NFASC: variants seen among roughly 807,000 people sequenced by gnomAD.
NFASC encodes the protein neurofascin, also known as neurofascin homolog.
In NFASC, 43 loss-of-function variants were observed where a neutral mutation model predicts 147.5. The ratio of observed to expected loss-of-function variants is 0.29; its 90% CI spans 0.23 to 0.38. The LOEUF (loss-of-function observed/expected upper bound fraction) is 0.38, where lower values mean the gene tolerates loss of function less well. NFASC is among the 10% of genes least tolerant of loss of function. The pLI is 1.00. For synonymous variants in NFASC, 622 were observed against 665.5 expected (o/e 0.93, Z 1.01); for missense variants, 1,320 against 1,689.0 (o/e 0.78, Z 3.83).
At chr1:204,844,325 A>G (rs6699817) in intron 1 of NFASC, among the ~76,000 whole-genome samples, 33,066 of 152,118 alleles carry the variant, frequency 0.22, 5,444 homozygotes, top group East Asian at 0.53. Flanking sequence ...GAAATGCCCT[A>G]TGAAAGTTAG....
intron 1 of NFASC, among the ~76,000 whole-genome samples, chr1:204,902,893 C>T (rs538075146): frequency 1.3e-5 from 2 of 152,280 alleles, no homozygotes; most frequent in East Asian, 3.9e-4. Context: ...AAAAGTGAGG[C>T]CAGACGGCAG....
In NFASC at chr1:205,012,885, CCT is replaced by C; in HGVS notation, c.3491+25_3491+26del. The C allele has an allele frequency of 6.3e-7, 1 of 1,591,410 alleles. No homozygotes were observed. Among genetic ancestry groups the C allele is most frequent in the Non-Finnish European group, 8.6e-7 (1 of 1,159,272 alleles). On this transcript the variant is annotated intron_variant, in intron 29 of 29. Transcript: ENST00000339876. Reference sequence around the variant, plus strand: ...ACTATAGGTGCGTGATCTCCCTCCTCCTCTCTCAGGCAGGCTGTCCTCCCTGT... The same window carrying C: ...ACTATAGGTGCGTGATCTCCCTCCTCCTCTCAGGCAGGCTGTCCTCCCTGT...
chr1:204,991,999 T>G (rs1388488164), intron 24 of NFASC, among the ~76,000 whole-genome samples: 4 of 152,206 alleles, frequency 2.6e-5, no homozygotes, highest in African/African-American at 9.6e-5. Flanking sequence ...GGGAGGTAGA[T>G]CTACAGTGGA....
In NFASC at chr1:204,850,108, C is replaced by T. The variant is rs376974333; in HGVS notation, c.-200+21326C>T. 1.0e-3 allele frequency among the ~76,000 whole-genome samples: 158 copies of T among 152,264 alleles called. 1 individual carries two copies. Among genetic ancestry groups the T allele is most frequent in the South Asian group, 4.6e-3 (22 of 4,814 alleles). ...AGGAGACTGGATACTAATCCTTGCTCTGCTCTGACTTAATGGGTGGCCCCA... is the reference window on the plus strand; with the variant it reads ...AGGAGACTGGATACTAATCCTTGCTTTGCTCTGACTTAATGGGTGGCCCCA... On this transcript the variant is annotated intron_variant, in intron 1 of 29. Transcript: ENST00000339876.
At position 204,951,956 on chromosome 1, in the gene NFASC, T is replaced by C. The variant is rs958565646; in HGVS notation, c.110-55T>C. Reference sequence around the variant, plus strand: ...TCTTCATCTCAGCTGTTCCCCAAGCTGGACCCCAGGGAGGTCCCTGCAGCC... The same window carrying C: ...TCTTCATCTCAGCTGTTCCCCAAGCCGGACCCCAGGGAGGTCCCTGCAGCC... On this transcript the variant is annotated intron_variant, in intron 4 of 29. Coordinates refer to ENST00000339876, the MANE Select transcript of NFASC (RefSeq NM_001005388.3). 4.9e-6 allele frequency: 7 copies of C among 1,442,840 alleles called. No homozygotes were observed. In the Middle Eastern group the frequency reaches 8.7e-4, roughly 180 times the overall value. 89.4% of individuals were successfully genotyped at this position (1,442,840 alleles called of 1,614,324 possible).
chr1:204,956,100 C>A (rs184788506), intron 7 of NFASC, among the ~76,000 whole-genome samples: 1 of 152,302 alleles, frequency 6.6e-6, no homozygotes, highest in African/African-American at 2.4e-5. Context: ...ACTCTGCCTC[C>A]CAAGTAGATC....
At position 204,996,189 on chromosome 1, in the gene NFASC, A is replaced by G. The variant is rs186276772; in HGVS notation, c.2783-981A>G. Among the ~76,000 whole-genome samples the G allele has an allele frequency of 2.0e-3, 303 of 152,294 alleles. 1 individual carries two copies. The highest frequency in any genetic ancestry group is 6.9e-3 in the African/African-American group (285 of 41,544). ...AGCCCTCCCAAGCTGACCAACATCCAAGGATAGCTTTGGGTGGGAGATGGG... is the reference window on the plus strand; with the variant it reads ...AGCCCTCCCAAGCTGACCAACATCCGAGGATAGCTTTGGGTGGGAGATGGG... On this transcript the variant is annotated intron_variant, in intron 24 of 29. Transcript: ENST00000339876.
At chr1:204,868,338 G>A (rs1045945687) in intron 1 of NFASC, among the ~76,000 whole-genome samples, 1 of 152,212 alleles carries the variant, frequency 6.6e-6, no homozygotes, top group African/African-American at 2.4e-5. Flanking sequence ...GGGAGCTGTG[G>A]CTGGCAGGGG....
chr1:204,967,681 G>A (rs2150221920), intron 8 of NFASC, among the ~76,000 whole-genome samples: 1 of 151,932 alleles, frequency 6.6e-6, no homozygotes, highest in East Asian at 1.9e-4. Flanking sequence ...TGTCATCTCT[G>A]TTCATTAACT....
At chr1:204,980,679 G>A (rs146980214) in intron 20 of NFASC, among the ~76,000 whole-genome samples, 25 of 152,238 alleles carry the variant, frequency 1.6e-4, no homozygotes, top group African/African-American at 6.0e-4. Context: ...AGGGGACCAG[G>A]GTCCACCGAC....
Position 205,012,791 on chromosome 1 carries a change from AC to A in NFASC, c.3422-4del, listed in dbSNP as rs1194142774. The A allele has an allele frequency of 5.0e-6, 8 of 1,610,110 alleles. No homozygotes were observed. The highest frequency in any genetic ancestry group is 6.8e-6 in the Non-Finnish European group (8 of 1,176,508). ...GTCTGTGTCTTTGCTTCTCCTTTTG[AC>A]CAAGTACGAGAAAAGAAGGATGTTC... On this transcript the variant is annotated splice_region_variant and splice_polypyrimidine_tract_variant and intron_variant, in intron 28 of 29. Coordinates refer to ENST00000339876, the MANE Select transcript of NFASC (RefSeq NM_001005388.3).
chr1:204,843,765 G>A (rs938865389), intron 1 of NFASC, among the ~76,000 whole-genome samples: 3 of 151,772 alleles, frequency 2.0e-5, no homozygotes, highest in Admixed American at 1.3e-4. Flanking sequence ...GAAGTGCAAA[G>A]GGGTGATCTC....
At chr1:204,869,523 C>T (rs1468008823) in intron 1 of NFASC, among the ~76,000 whole-genome samples, 1 of 151,936 alleles carries the variant, frequency 6.6e-6, no homozygotes, top group Non-Finnish European at 1.5e-5. Flanking sequence ...TAAAATATAT[C>T]ATATTTCATT....
chr1:204,948,892 G>A (rs2093951357), intron 3 of NFASC, among the ~76,000 whole-genome samples: 1 of 152,214 alleles, frequency 6.6e-6, no homozygotes, highest in Non-Finnish European at 1.5e-5. Context: ...GGGTCCCAGT[G>A]ACAGCCCCAC....
At chr1:204,933,075 C>A (rs1316227259) in intron 2 of NFASC, among the ~76,000 whole-genome samples, 4 of 152,084 alleles carry the variant, frequency 2.6e-5, no homozygotes, top group Non-Finnish European at 5.9e-5. Flanking sequence ...AGCCTGATCT[C>A]CAAAAACCTT....
At chr1:204,983,713 C>G (rs1303018075) in intron 21 of NFASC, among the ~76,000 whole-genome samples, 2 of 152,126 alleles carry the variant, frequency 1.3e-5, no homozygotes, top group Non-Finnish European at 1.5e-5. Context: ...GGGCAGCCCC[C>G]CAGGAGACGG....
chr1:204,971,822 G>A (rs1266916017), intron 11 of NFASC, among the ~76,000 whole-genome samples: 3 of 152,168 alleles, frequency 2.0e-5, no homozygotes, highest in African/African-American at 7.2e-5. Context: ...TATGGACACT[G>A]CCTGCCCTCT....
rs575839343 is a variant in NFASC, at chr1:204,921,798, A to C, written c.-91+1058A>C. Among the ~76,000 whole-genome samples, 18 of 152,204 alleles carry C rather than the reference A, an allele frequency of 1.2e-4. No homozygotes were observed. In the South Asian group the frequency reaches 3.7e-3, roughly 32 times the overall value. ...GAGTGCCTGGCTCATTTAATCAATG[A>C]GGGTTATTATGATTTCTCATATCAA... On this transcript the variant is annotated intron_variant, in intron 2 of 29. Transcript: ENST00000339876.
At chr1:204,830,003 TGG>T (rs949737935) in intron 1 of NFASC, among the ~76,000 whole-genome samples, 5 of 96,540 alleles carry the variant, frequency 5.2e-5, no homozygotes, top group African/African-American at 2.1e-4. Flanking sequence ...CATTTTGGCA[TGG>T]GGTGTGTGTG....
Sources: gnomAD v4.1 joint callset for allele counts (sites outside exome capture counted in the v4.1 genomes callset) on GRCh38, gnomAD v4.1.1 for gene constraint, MANE v1.5 for transcripts, NCBI Gene and HGNC (gene_info 2026-07-23, HGNC 2026-07-21) for gene names.